Variants in EYA2 observed in about 807,000 individuals in gnomAD.
The protein encoded by EYA2 is protein phosphatase EYA2.
A neutral mutation model predicts 69.2 loss-of-function variants in EYA2; 31 were observed. That is an observed-to-expected ratio of 0.45 (90% CI 0.34 to 0.60). The LOEUF is 0.60. EYA2 is among the 20% of genes least tolerant of loss of function. The pLI is 0.02. For missense variants in EYA2, 622 were observed against 701.2 expected (o/e 0.89, Z 1.28); for synonymous variants, 257 against 279.4 (o/e 0.92, Z 0.80).
At chr20:46,964,031 G>A (rs983210520) in intron 1 of EYA2, among the ~76,000 whole-genome samples, 2 of 152,376 alleles carry the variant, frequency 1.3e-5, no homozygotes, top group East Asian at 1.9e-4. Flanking sequence ...GTGAGCCACA[G>A]CCAGCATCGC....
At chr20:47,031,838 T>C (rs1240825567) in intron 5 of EYA2, among the ~76,000 whole-genome samples, 1 of 148,972 alleles carries the variant, frequency 6.7e-6, no homozygotes, top group South Asian at 2.1e-4. Context: ...GGAAGGGGAG[T>C]GGAATGAGAA....
intron 5 of EYA2, among the ~76,000 whole-genome samples, chr20:47,020,566 C>A (rs530545768): frequency 2.0e-5 from 3 of 151,772 alleles, no homozygotes; most frequent in African/African-American, 7.3e-5. Flanking sequence ...CACTGCTATT[C>A]ACAGAAATAA....
intron 1 of EYA2, among the ~76,000 whole-genome samples, chr20:46,947,837 C>T (rs1220067680): frequency 6.6e-6 from 1 of 152,186 alleles, no homozygotes; most frequent in Non-Finnish European, 1.5e-5. Flanking sequence ...TACCATATGG[C>T]TGGGCATGGT....
intron 1 of EYA2, among the ~76,000 whole-genome samples, chr20:46,904,228 C>T (rs569856225): frequency 6.6e-6 from 1 of 152,086 alleles, no homozygotes; most frequent in East Asian, 1.9e-4. Flanking sequence ...GCTGGCACAC[C>T]GAGCACAGAG....
chr20:47,080,119 G>T (rs1188829270), intron 7 of EYA2, among the ~76,000 whole-genome samples: 1 of 152,064 alleles, frequency 6.6e-6, no homozygotes, highest in Non-Finnish European at 1.5e-5. Flanking sequence ...ACCTTTAAAA[G>T]AATCAAGGCA....
At chr20:47,134,107 A>T (rs1156978318) in intron 9 of EYA2, among the ~76,000 whole-genome samples, 3 of 152,166 alleles carry the variant, frequency 2.0e-5, no homozygotes, top group African/African-American at 7.2e-5. Context: ...CCAGCCTCTA[A>T]ATCTTTATAG....
chr20:46,955,159 G>T (rs1340806969), intron 1 of EYA2, among the ~76,000 whole-genome samples: 1 of 140,502 alleles, frequency 7.1e-6, no homozygotes, highest in African/African-American at 2.6e-5. Context: ...TTTTTGAGAT[G>T]GAGTTTCACT....
At chr20:46,998,644 T>C (rs1982173305) in intron 2 of EYA2, among the ~76,000 whole-genome samples, 1 of 152,158 alleles carries the variant, frequency 6.6e-6, no homozygotes, top group African/African-American at 2.4e-5. Context: ...CCCTGCCTTA[T>C]CATGTGTGTT....
chr20:47,019,581 A>C (rs1836868745), intron 5 of EYA2, among the ~76,000 whole-genome samples: 1 of 152,184 alleles, frequency 6.6e-6, no homozygotes, highest in African/African-American at 2.4e-5. Context: ...GAGGAAGAAG[A>C]AAATAAAGAA....
At chr20:47,183,505 TC>T in intron 15 of EYA2, 114 bp downstream of exon 15, 1 of 815,768 alleles carries the variant, frequency 1.2e-6, no homozygotes, top group Non-Finnish European at 1.9e-6. Context: ...GGGTCCTCCT[TC>T]CCAGGCTCCT....
intron 1 of EYA2, among the ~76,000 whole-genome samples, chr20:46,919,126 T>G (rs1207565277): frequency 6.6e-6 from 1 of 152,246 alleles, no homozygotes; most frequent in Admixed American, 6.5e-5. Context: ...ATTCTGTTCA[T>G]AGAGCACAGG....
At chr20:47,037,003 T>C (rs1375314251) in intron 5 of EYA2, among the ~76,000 whole-genome samples, 2 of 152,190 alleles carry the variant, frequency 1.3e-5, no homozygotes, top group Non-Finnish European at 2.9e-5. Flanking sequence ...TATTGACTCA[T>C]AGTTTAACAT....
At chr20:46,935,176 A>G (rs1391704957) in intron 1 of EYA2, among the ~76,000 whole-genome samples, 4 of 152,232 alleles carry the variant, frequency 2.6e-5, no homozygotes, top group South Asian at 2.1e-4. Flanking sequence ...TTTGCTATGT[A>G]GAGTGAGTGC....
At chr20:47,081,770 C>G (rs368180210) in intron 7 of EYA2, among the ~76,000 whole-genome samples, 5 of 113,034 alleles carry the variant, frequency 4.4e-5, no homozygotes, top group African/African-American at 1.6e-4. Context: ...CAAAGCGAGA[C>G]CTTGTCTCAA....
chr20:46,936,955 T>C (rs1366299307), intron 1 of EYA2, among the ~76,000 whole-genome samples: 2 of 152,168 alleles, frequency 1.3e-5, no homozygotes, highest in Non-Finnish European at 2.9e-5. Context: ...GAAAGCAGTT[T>C]GGAAAGGTCA....
At chr20:46,942,525 T>G (rs1986200825) in intron 1 of EYA2, among the ~76,000 whole-genome samples, 1 of 152,204 alleles carries the variant, frequency 6.6e-6, no homozygotes, top group Admixed American at 6.5e-5. Flanking sequence ...GGTGCCATCC[T>G]AAAAGGGAAC....
intron 7 of EYA2, among the ~76,000 whole-genome samples, chr20:47,087,867 C>G (rs970129886): frequency 2.0e-5 from 3 of 152,222 alleles, no homozygotes; most frequent in Admixed American, 6.5e-5. Flanking sequence ...ATGCTCTCGC[C>G]TATATAATCT....
At chr20:46,937,208 T>C (rs991376447) in intron 1 of EYA2, among the ~76,000 whole-genome samples, 2 of 152,208 alleles carry the variant, frequency 1.3e-5, no homozygotes, top group Non-Finnish European at 2.9e-5. Flanking sequence ...TGTACATGAA[T>C]CTATGGGAGG....
At position 46,909,622 on chromosome 20, in the gene EYA2, A is replaced by C. The variant is rs555923856; in HGVS notation, c.-11+14635A>C. Among the ~76,000 whole-genome samples the C allele has an allele frequency of 2.6e-5, 4 of 152,336 alleles. No individual in the cohort carries two copies. In the East Asian group the frequency reaches 7.7e-4, roughly 29 times the overall value. On this transcript the variant is annotated intron_variant, in intron 1 of 15. Coordinates refer to ENST00000327619, the MANE Select transcript of EYA2 (RefSeq NM_005244.5). ...TGGTTTCAGGTACAGCTGGTTCAAGAGCTCAGATGCAGGTCATGTGCCCAT... is the reference window on the plus strand; with the variant it reads ...TGGTTTCAGGTACAGCTGGTTCAAGCGCTCAGATGCAGGTCATGTGCCCAT...
Sources: gnomAD v4.1 joint callset for allele counts (sites outside exome capture counted in the v4.1 genomes callset) on GRCh38, gnomAD v4.1.1 for gene constraint, MANE v1.5 for transcripts, NCBI Gene and HGNC (gene_info 2026-07-23, HGNC 2026-07-21) for gene names.